Variants in USP25 observed in about 807,000 individuals in gnomAD.
The protein encoded by USP25 is ubiquitin carboxyl-terminal hydrolase 25.
USP25 carries 85 observed loss-of-function variants against 158.5 expected under a neutral mutation model. That is an observed-to-expected ratio of 0.54 (90% CI 0.45 to 0.64). The LOEUF is 0.64. Ranked by LOEUF, USP25 falls within the 30% of genes least tolerant of loss-of-function variation. USP25 has a pLI of 0.00. For synonymous variants in USP25, 464 were observed against 460.4 expected, an observed-to-expected ratio of 1.01 and a Z score of -0.10; for missense variants, 1,242 against 1,327.3, an observed-to-expected ratio of 0.94 and a Z score of 1.00.
intron 1 of USP25, among the ~76,000 whole-genome samples, chr21:15,731,606 G>C (rs1189712137): frequency 1.3e-5 from 2 of 152,230 alleles, no homozygotes; most frequent in Admixed American, 6.5e-5. Context: ...AGATACTCAA[G>C]TTTGGAAAGC....
At chr21:15,761,695 CAG>C (rs1158492629) in intron 1 of USP25, among the ~76,000 whole-genome samples, 7 of 152,178 alleles carry the variant, frequency 4.6e-5, no homozygotes, top group African/African-American at 1.7e-4. Context: ...TAGGAGGAAT[CAG>C]GGGAGAAGAA....
intron 1 of USP25, among the ~76,000 whole-genome samples, chr21:15,736,015 TATATA>T (rs2031475889): frequency 6.6e-6 from 1 of 151,574 alleles, no homozygotes; most frequent in Admixed American, 6.6e-5. Flanking sequence ...TGTATGTACA[TATATA>T]TATATGTATG....
intron 1 of USP25, among the ~76,000 whole-genome samples, chr21:15,732,342 G>A (rs7279170): frequency 0.23 from 35,432 of 151,992 alleles, 5,627 homozygotes; most frequent in African/African-American, 0.46. Context: ...TTTGCTTTCC[G>A]TATTAATACA....
At chr21:15,841,769 T>G (rs551226049) in intron 17 of USP25, among the ~76,000 whole-genome samples, 1 of 152,242 alleles carries the variant, frequency 6.6e-6, no homozygotes, top group African/African-American at 2.4e-5. Flanking sequence ...AGATAAACCC[T>G]TTAGGTCATG....
chr21:15,834,870 CGTAGAGCAG>C (rs1568868643), intron 17 of USP25, among the ~76,000 whole-genome samples: 1 of 152,134 alleles, frequency 6.6e-6, no homozygotes, highest in African/African-American at 2.4e-5. Context: ...AAGGCTACCG[CGTAGAGCAG>C]GTGAAGCTAT....
In USP25 at chr21:15,730,386, CG is replaced by C. The variant is rs1335409330; in HGVS notation, c.-3del. 6.4e-6 allele frequency: 8 copies of C among 1,249,388 alleles called. No individual in the cohort carries two copies. In the Admixed American group the frequency reaches 1.3e-4, roughly 20 times the overall value. 77.4% of individuals were successfully genotyped at this position (1,249,388 alleles called of 1,614,324 possible). A position where few individuals can be genotyped will look rare whatever the true frequency, so the allele number is the denominator to read the frequency against. On this transcript the variant is annotated 5_prime_UTR_variant, in exon 1 of 26. Transcript: ENST00000400183. The stretch of plus-strand genomic sequence containing the variant: ...ACCGCCGCCGCCGCCGCCGCCGCCG[CG>C]GGGGCCATGACCGTGGAGCAGAACG...
At chr21:15,847,086 G>T (rs184804031) in intron 18 of USP25, among the ~76,000 whole-genome samples, 243 of 152,118 alleles carry the variant, frequency 1.6e-3, no homozygotes, top group African/African-American at 5.5e-3. Context: ...AAACAAAATA[G>T]AATATGGATA....
intron 1 of USP25, among the ~76,000 whole-genome samples, chr21:15,758,927 T>C (rs753746084): frequency 6.6e-6 from 1 of 152,160 alleles, no homozygotes; most frequent in Non-Finnish European, 1.5e-5. Flanking sequence ...GAGCTACAAC[T>C]CAATGTGAAA....
chr21:15,842,201 G>T (rs2038368116), intron 17 of USP25, among the ~76,000 whole-genome samples, 197 bp from the exon 18 acceptor site: 1 of 151,770 alleles, frequency 6.6e-6, no homozygotes, highest in African/African-American at 2.4e-5. Flanking sequence ...AATTATTGGA[G>T]TACTCTTAGT....
intron 3 of USP25, among the ~76,000 whole-genome samples, chr21:15,777,324 A>T (rs2034714007): frequency 6.6e-6 from 1 of 152,190 alleles, no homozygotes; most frequent in Admixed American, 6.5e-5. Flanking sequence ...AAAGATTCTT[A>T]TACTTCTTCC....
At chr21:15,786,199 G>A (rs2035262578) in intron 4 of USP25, among the ~76,000 whole-genome samples, 1 of 152,144 alleles carries the variant, frequency 6.6e-6, no homozygotes, top group Non-Finnish European at 1.5e-5. Flanking sequence ...CATTGCTGAA[G>A]TGTGTCAAAC....
chr21:15,854,720 G>A (rs1601138734), intron 20 of USP25, among the ~76,000 whole-genome samples: 1 of 152,164 alleles, frequency 6.6e-6, no homozygotes, highest in East Asian at 1.9e-4. Flanking sequence ...TTTAACCTCC[G>A]AATTAGGAAG....
At chr21:15,824,866 T>G in intron 11 of USP25, 100 bp from the exon 12 acceptor site, 1 of 901,682 alleles carries the variant, frequency 1.1e-6, no homozygotes, top group Non-Finnish European at 1.7e-6. Flanking sequence ...TCCTCCCGCC[T>G]TGGCGTCCCA....
chr21:15,860,041 T>C (rs888201585), intron 20 of USP25, among the ~76,000 whole-genome samples: 1 of 149,662 alleles, frequency 6.7e-6, no homozygotes, highest in Non-Finnish European at 1.5e-5. Context: ...TAGGCTAGAA[T>C]GCAATGGCAC....
At chr21:15,737,271 A>G (rs2031611593) in intron 1 of USP25, among the ~76,000 whole-genome samples, 1 of 152,108 alleles carries the variant, frequency 6.6e-6, no homozygotes, top group African/African-American at 2.4e-5. Context: ...ATATGTGGTC[A>G]GATAGTTTAC....
intron 22 of USP25, among the ~76,000 whole-genome samples, chr21:15,869,279 A>G (rs2039785512): frequency 1.3e-5 from 2 of 151,078 alleles, no homozygotes; most frequent in East Asian, 2.0e-4. Flanking sequence ...ATATTCAAGG[A>G]GAATATCGTT....
chr21:15,792,432 A>G (rs571622203), intron 5 of USP25, among the ~76,000 whole-genome samples: 2 of 151,852 alleles, frequency 1.3e-5, no homozygotes, highest in South Asian at 4.1e-4. Context: ...ACTCCTTAGG[A>G]AAGTTAACTA....
chr21:15,767,476 T>C (rs2034108388), intron 3 of USP25, among the ~76,000 whole-genome samples: 1 of 152,088 alleles, frequency 6.6e-6, no homozygotes, highest in Non-Finnish European at 1.5e-5. Context: ...TGAACATTAT[T>C]GGTGCTCAAA....
intron 1 of USP25, among the ~76,000 whole-genome samples, chr21:15,739,080 T>C (rs146495658): frequency 6.6e-6 from 1 of 152,140 alleles, no homozygotes; most frequent in Non-Finnish European, 1.5e-5. Context: ...ATAAACCCCT[T>C]CCTCCTTTAA....
Sources: gnomAD v4.1 joint callset for allele counts (sites outside exome capture counted in the v4.1 genomes callset) on GRCh38, gnomAD v4.1.1 for gene constraint, MANE v1.5 for transcripts, NCBI Gene and HGNC (gene_info 2026-07-23, HGNC 2026-07-21) for gene names.